C11orf71: variants seen among roughly 807,000 people sequenced by gnomAD.
C11orf71 encodes uncharacterized protein C11orf71.
For missense variants in C11orf71, 179 were observed against 167.6 expected (o/e 1.07, Z -0.38); for synonymous variants, 72 against 73.4 (o/e 0.98, Z 0.09).
rs1418301879 is a variant in C11orf71 at position 114,400,490 on chromosome 11, C to G, written c.-159G>C. 2 of 1,272,850 alleles carry G rather than the reference C, an allele frequency of 1.6e-6. No homozygotes were observed. The highest frequency in any genetic ancestry group is 2.1e-6 in the Non-Finnish European group (2 of 936,744). The allele number at this position is 1,272,850 out of a possible 1,614,324, so 78.8% of individuals were successfully genotyped here. ...GAGCCAGAAGCCGCCTTGCCTTTAA[C>G]GAGGGGTATCCTGGCGAGCATGCGC... On this transcript the variant is annotated 5_prime_UTR_variant, in exon 1 of 1. Coordinates refer to ENST00000623205, the MANE Select transcript of C11orf71 (RefSeq NM_001271562.2).
chr11:114,399,952 G>A lies in C11orf71; in HGVS notation c.*8C>T. ...AAGCTAAGTGAGGGCCAGAGGAAAG[G>A]TGTTCGTTTAAACTGAAATTCGAGC... On this transcript the variant is annotated 3_prime_UTR_variant, in exon 1 of 1. Coordinates refer to ENST00000623205, the MANE Select transcript of C11orf71 (RefSeq NM_001271562.2). 6.3e-7 allele frequency: 1 copy of A among 1,589,934 alleles called. No individual in the cohort carries two copies. The highest frequency in any genetic ancestry group is 1.3e-5 in the African/African-American group (1 of 74,602).
Position 114,400,170 on chromosome 11 carries a change from C to G in C11orf71, c.162G>C (p.Arg54=). Residue 54 remains arginine (R), a synonymous_variant, in exon 1 of 1, where the codon CGG becomes CGC. Transcript: ENST00000623205. ...CCCGAACGCTTGGTCGCACCGCCTG[C>G]CGAGGTCCTAGATGAATCGCTTCAG... The part of the protein sequence containing the change: ...SRPEAIHLGP[R]QAVRPSVRAE... The G allele has an allele frequency of 1.2e-6, 2 of 1,613,820 alleles. No individual in the cohort carries two copies. Among genetic ancestry groups the G allele is most frequent in the Non-Finnish European group, 1.7e-6 (2 of 1,179,856 alleles).
downstream of C11orf71, among the ~76,000 whole-genome samples, chr11:114,395,886 C>T (rs1446904974): frequency 1.3e-5 from 2 of 152,182 alleles, no homozygotes; most frequent in Admixed American, 6.5e-5. Flanking sequence ...AAAACCAGCC[C>T]ATCTGCCTAA....
At chr11:114,394,174 G>GTTTCT (rs1187890536), downstream of C11orf71, among the ~76,000 whole-genome samples, 1,054 of 77,484 alleles carry the variant, frequency 0.014, 135 homozygotes, top group African/African-American at 0.046. Flanking sequence ...TAGAGACGGG[G>GTTTCT]TTTCGTTTCT....
At chr11:114,391,518 C>A in exon 2 of C11orf71, 2 of 1,141,388 alleles carry the variant, frequency 1.8e-6, no homozygotes, top group Non-Finnish European at 1.2e-6. Context: ...ATTTCATATC[C>A]AATTTTTATC....
At chr11:114,395,383 C>T (rs1269250082), downstream of C11orf71, among the ~76,000 whole-genome samples, 1 of 152,150 alleles carries the variant, frequency 6.6e-6, no homozygotes. Flanking sequence ...TGGTTAAGGG[C>T]GTTGCCACAG....
downstream of C11orf71, among the ~76,000 whole-genome samples, chr11:114,397,467 G>T (rs1256378965): frequency 6.6e-6 from 1 of 152,206 alleles, no homozygotes; most frequent in African/African-American, 2.4e-5. Flanking sequence ...TTAAGAACAA[G>T]AATTTAGATA....
In C11orf71 at chr11:114,400,379, A is replaced by T. The variant is rs1225109402; in HGVS notation, c.-48T>A. ...TTGCGTTACGTCCCTTTGTGAAGGC[A>T]GGCCCTTCGCGGCTCCCCAGATCAG... On this transcript the variant is annotated 5_prime_UTR_variant, in exon 1 of 1. Coordinates refer to ENST00000623205, the MANE Select transcript of C11orf71 (RefSeq NM_001271562.2). 2 of 1,539,764 alleles carry T rather than the reference A, an allele frequency of 1.3e-6. No individual in the cohort carries two copies.
chr11:114,394,609 C>T (rs1946116557), downstream of C11orf71, among the ~76,000 whole-genome samples: 1 of 151,454 alleles, frequency 6.6e-6, no homozygotes, highest in African/African-American at 2.4e-5. Context: ...GGGATTTCAC[C>T]GTGTTAGCCG....
At chr11:114,394,228 C>CTTTTCTTTTCTTTTCTTTCTTTTCT, downstream of C11orf71, among the ~76,000 whole-genome samples, 159 of 48,466 alleles carry the variant, frequency 3.3e-3, 1 homozygote, top group South Asian at 5.0e-3. Flanking sequence ...CTTTTCTTTT[C>CTTTTCTTTTCTTTTCTTTCTTTTCT]TTTCTTTTCT....
chr11:114,394,575 G>A (rs1323048396), downstream of C11orf71, among the ~76,000 whole-genome samples: 1 of 151,916 alleles, frequency 6.6e-6, no homozygotes, highest in South Asian at 2.1e-4. Flanking sequence ...GATTACAGGC[G>A]TGAGCCACTG....
chr11:114,396,916 C>T (rs1946135239), downstream of C11orf71, among the ~76,000 whole-genome samples: 1 of 152,166 alleles, frequency 6.6e-6, no homozygotes, highest in Admixed American at 6.5e-5. Context: ...CTTAAAGTTA[C>T]CTTTATCACC....
In C11orf71 at chr11:114,400,312, G is replaced by A; in HGVS notation, c.20C>T (p.Ser7Phe). The A allele has an allele frequency of 6.2e-7, 1 of 1,608,828 alleles. No homozygotes were observed. The highest frequency in any genetic ancestry group is 2.2e-5 in the East Asian group (1 of 44,746). ...GCTCCTCTGATCACCGGAGGACAGG[G>A]ACACATTGTTCAGGGCCATATTCAA... Reference protein sequence around the residue: MALNNVSLSSGDQRSRV... With the variant: MALNNVFLSSGDQRSRV... Residue 7 changes from serine (S) to phenylalanine (F), a missense_variant, in exon 1 of 1, where the codon TCC (serine) becomes TTC (phenylalanine). Transcript: ENST00000623205.
Position 114,400,294 on chromosome 11 carries a change from T to C in C11orf71, c.38A>G (p.Gln13Arg), listed in dbSNP as rs374455783. The C allele has an allele frequency of 1.5e-4, 240 of 1,609,954 alleles. No individual in the cohort carries two copies. The highest frequency in any genetic ancestry group is 2.0e-4 in the Non-Finnish European group (231 of 1,178,258). ...AGAGCGGTAGGCCACCCTGCTCCTC[T>C]GATCACCGGAGGACAGGGACACATT... is the stretch of plus-strand genomic sequence containing the variant. ...LNNVSLSSGDQRSRVAYRSSH... is the reference protein window; with the variant it reads ...LNNVSLSSGDRRSRVAYRSSH... Residue 13 changes from glutamine (Q) to arginine (R), a missense_variant, in exon 1 of 1, where the codon CAG becomes CGG. Coordinates refer to ENST00000623205, the MANE Select transcript of C11orf71 (RefSeq NM_001271562.2).
At chr11:114,394,171 G>C (rs1175371051), downstream of C11orf71, among the ~76,000 whole-genome samples, 7 of 90,140 alleles carry the variant, frequency 7.8e-5, no homozygotes, top group Admixed American at 3.6e-4. Context: ...TGGTAGAGAC[G>C]GGGTTTCGTT....
At chr11:114,391,562 A>AGTTCAT in exon 2 of C11orf71, 2 of 1,464,848 alleles carry the variant, frequency 1.4e-6, no homozygotes, top group Non-Finnish European at 1.8e-6. Context: ...ATCACAAATC[A>AGTTCAT]GTTCATATTA....
Position 114,400,397 on chromosome 11 carries a change from C to T in C11orf71, c.-66G>A. 1 of 1,509,710 alleles carries T rather than the reference C, an allele frequency of 6.6e-7. No individual in the cohort carries two copies. The highest frequency in any genetic ancestry group is 8.9e-7 in the Non-Finnish European group (1 of 1,126,332). 93.5% of individuals were successfully genotyped at this position (1,509,710 alleles called of 1,614,324 possible). On this transcript the variant is annotated 5_prime_UTR_variant, in exon 1 of 1. Transcript: ENST00000623205. The stretch of plus-strand genomic sequence containing the variant: ...TGAAGGCAGGCCCTTCGCGGCTCCC[C>T]AGATCAGTCCAGCCTGTGTCGGACC...
At chr11:114,394,204 T>TTTTTTCTTTTC (rs1565256387), downstream of C11orf71, among the ~76,000 whole-genome samples, 72 of 46,934 alleles carry the variant, frequency 1.5e-3, 1 homozygote, top group Middle Eastern at 9.3e-3. Flanking sequence ...TTTTCTTTTC[T>TTTTTTCTTTTC]TTTCTTTTCT....
downstream of C11orf71, among the ~76,000 whole-genome samples, chr11:114,395,190 A>C (rs1479133995): frequency 6.6e-6 from 1 of 152,048 alleles, no homozygotes; most frequent in Admixed American, 6.6e-5. Context: ...TTAGCTGTGA[A>C]GTCTCACCCA....
Sources: gnomAD v4.1 joint callset for allele counts (sites outside exome capture counted in the v4.1 genomes callset) on GRCh38, gnomAD v4.1.1 for gene constraint, MANE v1.5 for transcripts, NCBI Gene and HGNC (gene_info 2026-07-23, HGNC 2026-07-21) for gene names.